Variants in SH3BP4 observed in about 807,000 individuals in gnomAD.
The protein encoded by SH3BP4 is SH3 domain-binding protein 4.
Under a neutral mutation model 65.5 loss-of-function variants are expected in SH3BP4, and 33 were observed. That is an observed-to-expected ratio of 0.50 (90% CI 0.38 to 0.67). The LOEUF is 0.67. SH3BP4 is among the 30% of genes least tolerant of loss of function. SH3BP4 has a pLI of 0.00. For synonymous variants in SH3BP4, 552 were observed against 545.5 expected (o/e 1.01, Z -0.17); for missense variants, 1,134 against 1,261.4 (o/e 0.90, Z 1.53).
At chr2:234,990,332 G>T (rs767522678) in intron 1 of SH3BP4, among the ~76,000 whole-genome samples, 36 of 152,162 alleles carry the variant, frequency 2.4e-4, no homozygotes, top group Non-Finnish European at 4.4e-4. Context: ...TCTTCTGGCC[G>T]ATGGCTCCAT....
At chr2:234,953,738 AGG>A (rs1203867908) in intron 1 of SH3BP4, among the ~76,000 whole-genome samples, 1 of 152,152 alleles carries the variant, frequency 6.6e-6, no homozygotes, top group Non-Finnish European at 1.5e-5. Flanking sequence ...GCAGTGTAAT[AGG>A]CTGCCTCTCA....
rs148752104 is a variant in SH3BP4 at position 234,954,523 on chromosome 2, G to A, written c.-207+2353G>A. Among the ~76,000 whole-genome samples the A allele has an allele frequency of 2.7e-3, 412 of 152,290 alleles. 3 individuals are homozygous for A. The highest frequency in any genetic ancestry group is 2.6e-3 in the Non-Finnish European group (180 of 68,032). ...ATGCTGATAAAGTATCCTTCACCGGGTGCCTTGTCTGTTCATGTATTGTGC... is the reference window on the plus strand; with the variant it reads ...ATGCTGATAAAGTATCCTTCACCGGATGCCTTGTCTGTTCATGTATTGTGC... On this transcript the variant is annotated intron_variant, in intron 1 of 5. Coordinates refer to ENST00000392011, the MANE Select transcript of SH3BP4 (RefSeq NM_014521.3).
In SH3BP4 at chr2:235,045,281, C is replaced by T. The variant is rs990416721; in HGVS notation, c.2478+2034C>T. Among the ~76,000 whole-genome samples the T allele has an allele frequency of 3.3e-5, 5 of 152,144 alleles. No homozygotes were observed. Among genetic ancestry groups the T allele is most frequent in the South Asian group, 2.1e-4 (1 of 4,826 alleles). Reference sequence around the variant, plus strand: ...CCAGGACACTCACCTCGACGTTGCACCAGAGGTGGAAAAATGACACAACCA... The same window carrying T: ...CCAGGACACTCACCTCGACGTTGCATCAGAGGTGGAAAAATGACACAACCA... On this transcript the variant is annotated intron_variant, in intron 4 of 5. Transcript: ENST00000392011. The surrounding 1 kb of genome is among the most constrained non-coding windows in gnomAD (Gnocchi z 4.3).
At chr2:235,022,633 G>A (rs571842425) in intron 2 of SH3BP4, among the ~76,000 whole-genome samples, 32 of 152,242 alleles carry the variant, frequency 2.1e-4, no homozygotes, top group East Asian at 1.4e-3. Context: ...CCATCCCCTC[G>A]TTGTCAGATA....
chr2:234,994,885 C>G (rs1693863723), intron 1 of SH3BP4: 1 of 152,306 alleles, frequency 6.6e-6, no homozygotes, highest in Non-Finnish European at 1.5e-5. Flanking sequence ...GATGCAGCCT[C>G]CATGCAGCCT....
At chr2:235,023,559 G>T (rs1045967398) in intron 2 of SH3BP4, among the ~76,000 whole-genome samples, 32 of 151,724 alleles carry the variant, frequency 2.1e-4, no homozygotes, top group Non-Finnish European at 1.5e-5. Context: ...GCGGTGGGGT[G>T]GGGGGTGAGA....
chr2:235,040,353 T>G (rs1246639188), intron 3 of SH3BP4, among the ~76,000 whole-genome samples: 1 of 152,064 alleles, frequency 6.6e-6, no homozygotes, highest in Non-Finnish European at 1.5e-5. Flanking sequence ...TTTGGAAATT[T>G]AAGAAGCAGG....
rs1428798953 is a variant in SH3BP4, at chr2:234,977,117, G to GA, written c.-206-18181dup. Among the ~76,000 whole-genome samples, 1 of 152,152 alleles carries GA rather than the reference G, an allele frequency of 6.6e-6. No homozygotes were observed. Among genetic ancestry groups the GA allele is most frequent in the Non-Finnish European group, 1.5e-5 (1 of 68,012 alleles). ...CTATGAATTTAAATCTATCCTAAAA[G>GA]AAAAAGCTTATTTAAGAAAATAGGT... On this transcript the variant is annotated intron_variant, in intron 1 of 5. Transcript: ENST00000392011. This position sits in a 1 kb window ranked among gnomAD's most constrained non-coding sequence, Gnocchi z 5.1.
rs1220295371 is a variant in SH3BP4, at chr2:235,026,301, C to T, written c.-132-8570C>T. Among the ~76,000 whole-genome samples the T allele has an allele frequency of 1.3e-5, 2 of 152,144 alleles. No homozygotes were observed. The highest frequency in any genetic ancestry group is 2.1e-4 in the South Asian group (1 of 4,834). ...AAACATCTGGAATCATGACTCCAGC[C>T]GCGCTAGCCATCTCACTTTTTACAA... is the stretch of plus-strand genomic sequence containing the variant. On this transcript the variant is annotated intron_variant, in intron 2 of 5. Transcript: ENST00000392011. This position sits in a 1 kb window ranked among gnomAD's most constrained non-coding sequence, Gnocchi z 4.6.
intron 2 of SH3BP4, among the ~76,000 whole-genome samples, chr2:235,007,061 C>T (rs976321583): frequency 9.2e-5 from 14 of 151,986 alleles, no homozygotes; most frequent in African/African-American, 2.4e-4. Flanking sequence ...CATCTTCCCC[C>T]GGTCAGAATG....
intron 1 of SH3BP4, among the ~76,000 whole-genome samples, chr2:234,986,278 G>A (rs1171165721): frequency 6.6e-6 from 1 of 152,224 alleles, no homozygotes; most frequent in East Asian, 1.9e-4. Context: ...TTTAGTGGCA[G>A]AGCCAGGATT....
At chr2:234,998,927 C>G (rs1401029353) in intron 2 of SH3BP4, among the ~76,000 whole-genome samples, 1 of 152,172 alleles carries the variant, frequency 6.6e-6, no homozygotes, top group Admixed American at 6.5e-5. Context: ...TCTGCACCTG[C>G]CAAGGCCTGA....
chr2:234,954,639 G>C (rs1289911299), intron 1 of SH3BP4, among the ~76,000 whole-genome samples: 1 of 152,112 alleles, frequency 6.6e-6, no homozygotes, highest in African/African-American at 2.4e-5. Flanking sequence ...TTTCCCTCTG[G>C]GCTGCTTGAA....
chr2:235,019,693 CTT>C (rs1246279101), intron 2 of SH3BP4, among the ~76,000 whole-genome samples: 1 of 151,784 alleles, frequency 6.6e-6, no homozygotes, highest in African/African-American at 2.4e-5. Context: ...GCCTCAGCCT[CTT>C]AAAGTGCTGG....
rs1393803441 is a variant in SH3BP4, at chr2:234,959,274, TAGGC to T, written c.-207+7108_-207+7111del. Among the ~76,000 whole-genome samples the T allele has an allele frequency of 6.2e-4, 94 of 152,282 alleles. 2 individuals carry two copies. Among genetic ancestry groups the T allele is most frequent in the Admixed American group, 6.1e-3 (93 of 15,308 alleles). ...CTTTCTTACCTGTCTGTTGTCCCCC[TAGGC>T]AGGGCGCTGCTTGGGGGCAGTTGCA... On this transcript the variant is annotated intron_variant, in intron 1 of 5. Coordinates refer to ENST00000392011, the MANE Select transcript of SH3BP4 (RefSeq NM_014521.3).
Position 235,053,609 on chromosome 2 carries a change from G to A in SH3BP4, c.2685G>A (p.Ala895=), listed in dbSNP as rs199919152. The A allele has an allele frequency of 1.2e-4, 200 of 1,613,922 alleles. No homozygotes were observed. The highest frequency in any genetic ancestry group is 6.6e-4 in the Middle Eastern group (4 of 6,084). ...CCTCCCAGGCCATGTGGAAGCCTGCGTATGACTTCTTACTCACCTGGAGCC... is the reference window on the plus strand; with the variant it reads ...CCTCCCAGGCCATGTGGAAGCCTGCATATGACTTCTTACTCACCTGGAGCC... The part of the protein sequence containing the change: ...VVDSEAMWKP[A]YDFLLTWSHQ... The change falls in exon 6 of 6, where the codon GCG becomes GCA. Residue 895 remains alanine (A), a synonymous_variant. Coordinates refer to ENST00000392011, the MANE Select transcript of SH3BP4 (RefSeq NM_014521.3).
chr2:234,994,213 G>T (rs541145333), intron 1 of SH3BP4, among the ~76,000 whole-genome samples: 1 of 152,154 alleles, frequency 6.6e-6, no homozygotes, highest in Admixed American at 6.5e-5. Context: ...AGCCCTGAGA[G>T]GGGGGATCTG....
At position 234,972,114 on chromosome 2, in the gene SH3BP4, CT is replaced by C. The variant is rs535246984; in HGVS notation, c.-207+19956del. Among the ~76,000 whole-genome samples, 1,238 of 137,452 alleles carry C rather than the reference CT, an allele frequency of 9.0e-3. 17 individuals are homozygous for C. Among genetic ancestry groups the C allele is most frequent in the African/African-American group, 0.029 (1,040 of 36,086 alleles). The allele number at this position is 137,452 out of a possible 152,430, so 90.2% of individuals were successfully genotyped here. On this transcript the variant is annotated intron_variant, in intron 1 of 5. Coordinates refer to ENST00000392011, the MANE Select transcript of SH3BP4 (RefSeq NM_014521.3). ...ACAGGTGTGAGCCACCGTGCCCGGCCTTTTTTTTTTTTGTTTTTTGTTTTTT... is the reference window on the plus strand; with the variant it reads ...ACAGGTGTGAGCCACCGTGCCCGGCCTTTTTTTTTTTGTTTTTTGTTTTTT...
chr2:235,032,105 C>T (rs1695222982), intron 2 of SH3BP4, among the ~76,000 whole-genome samples: 1 of 152,238 alleles, frequency 6.6e-6, no homozygotes, highest in Non-Finnish European at 1.5e-5. Context: ...GAAGAGCACA[C>T]ATTGGTGATT....
Sources: allele counts gnomAD v4.1 joint callset (sites outside exome capture counted in the v4.1 genomes callset), GRCh38; gene constraint gnomAD v4.1.1; non-coding constraint Gnocchi (gnomAD v3.1); transcripts MANE v1.5; gene names NCBI Gene and HGNC (gene_info 2026-07-23, HGNC 2026-07-21).